The following PBRM1 variants were observed in gnomAD, a reference collection of about 807,000 sequenced individuals.
The protein encoded by PBRM1 is protein polybromo-1.
PBRM1 carries 27 observed loss-of-function variants against 194.5 expected under a neutral mutation model. The observed-to-expected ratio is 0.14, with a 90% CI of 0.10 to 0.19. PBRM1 has a LOEUF of 0.19. PBRM1 is among the 10% of genes least tolerant of loss of function. PBRM1 has a pLI of 1.00. For synonymous variants in PBRM1, 655 were observed against 693.2 expected (o/e 0.94, Z 0.87); for missense variants, 1,466 against 2,077.2 (o/e 0.71, Z 5.72).
intron 25 of PBRM1, among the ~76,000 whole-genome samples, chr3:52,560,245 C>T (rs1353040105): frequency 2.0e-5 from 3 of 152,154 alleles, no homozygotes; most frequent in Non-Finnish European, 4.4e-5. Flanking sequence ...AATAACCAGC[C>T]ATCCAGCACT....
At chr3:52,608,264 A>G (rs1017640595) in intron 16 of PBRM1, among the ~76,000 whole-genome samples, 6 of 152,160 alleles carry the variant, frequency 3.9e-5, no homozygotes, top group Non-Finnish European at 8.8e-5. Flanking sequence ...AGAGCAAGAC[A>G]AGTCACATCA....
At chr3:52,649,596 T>C (rs544209605) in intron 6 of PBRM1, among the ~76,000 whole-genome samples, 7 of 152,324 alleles carry the variant, frequency 4.6e-5, no homozygotes, top group Admixed American at 1.3e-4. Context: ...CTATGAGCTA[T>C]CCAATATGCT....
At chr3:52,657,460 A>G (rs1335195691) in intron 5 of PBRM1, among the ~76,000 whole-genome samples, 1 of 152,108 alleles carries the variant, frequency 6.6e-6, no homozygotes, top group Non-Finnish European at 1.5e-5. Context: ...GGGGCCTCCA[A>G]CATCTTCCTT....
chr3:52,651,783 T>C, exon 6 of PBRM1: 1 of 1,605,398 alleles, frequency 6.2e-7, no homozygotes, highest in Non-Finnish European at 8.5e-7. Context: ...ATAGGCTCCT[T>C]AATTATTGCA....
intron 20 of PBRM1, among the ~76,000 whole-genome samples, chr3:52,581,641 ATTC>A (rs1469007981): frequency 1.3e-5 from 2 of 150,932 alleles, no homozygotes; most frequent in Non-Finnish European, 3.0e-5. Flanking sequence ...TTCTAAAGTA[ATTC>A]TTTTTTTTTT....
rs2097168605 is a variant in PBRM1, at chr3:52,679,522, T to C, written c.138+52A>G. The C allele has an allele frequency of 1.1e-5, 17 of 1,523,980 alleles. No homozygotes were observed. The South Asian group carries it at 1.8e-4, about 16-fold the overall frequency. The allele number at this position is 1,523,980 out of a possible 1,614,324, so 94.4% of individuals were successfully genotyped here. A position where few individuals can be genotyped will look rare whatever the true frequency, so the allele number is the denominator to read the frequency against. ...AACAATTTTACCATTAAAGGGAAGA[T>C]AGGGGAATTGTGGGAAGAGCAGGCA... On this transcript the variant is annotated intron_variant, in intron 1 of 29. Coordinates refer to ENST00000296302, the Ensembl canonical transcript of PBRM1.
chr3:52,595,120 C>CA (rs1484652039), intron 17 of PBRM1, among the ~76,000 whole-genome samples: 3 of 152,094 alleles, frequency 2.0e-5, no homozygotes, highest in Admixed American at 6.6e-5. Context: ...TCTGAATTGT[C>CA]AGAGTTCTTG....
At chr3:52,575,996 G>T (rs934789177) in intron 22 of PBRM1, among the ~76,000 whole-genome samples, 1 of 152,114 alleles carries the variant, frequency 6.6e-6, no homozygotes, top group Non-Finnish European at 1.5e-5. Flanking sequence ...GGCAGAGGAT[G>T]AATGCACCTG....
chr3:52,597,493 G>T (rs1213265314), intron 17 of PBRM1, among the ~76,000 whole-genome samples: 1 of 152,166 alleles, frequency 6.6e-6, no homozygotes, highest in Non-Finnish European at 1.5e-5. Context: ...ATACACAGCA[G>T]ATCTATAAGG....
chr3:52,615,893 C>T (rs190891863), intron 14 of PBRM1, among the ~76,000 whole-genome samples: 18 of 152,322 alleles, frequency 1.2e-4, no homozygotes, highest in Admixed American at 1.2e-3. Flanking sequence ...TCTGAGTTCA[C>T]AGTCTGAAGC....
upstream of PBRM1, among the ~76,000 whole-genome samples, chr3:52,682,992 G>A (rs939946618): frequency 6.6e-6 from 1 of 152,094 alleles, no homozygotes; most frequent in African/African-American, 2.4e-5. Flanking sequence ...CTGAGGTCAG[G>A]AGATCAAGAC....
intron 20 of PBRM1, among the ~76,000 whole-genome samples, chr3:52,583,085 A>G (rs1488255165): frequency 9.1e-6 from 1 of 109,924 alleles, no homozygotes; most frequent in Admixed American, 1.2e-4. Flanking sequence ...GGACAGAGTG[A>G]GACTCCATCT....
intron 17 of PBRM1, among the ~76,000 whole-genome samples, chr3:52,590,179 C>T (rs1016623479): frequency 8.6e-5 from 13 of 151,828 alleles, no homozygotes; most frequent in African/African-American, 2.9e-4. Flanking sequence ...AGGCCGGTAG[C>T]GGCAGCTCAC....
At chr3:52,633,810 T>C (rs2153635989) in intron 11 of PBRM1, among the ~76,000 whole-genome samples, 1 of 152,342 alleles carries the variant, frequency 6.6e-6, no homozygotes, top group East Asian at 1.9e-4. Context: ...ATATTTTCCT[T>C]GGAGAAAGGT....
chr3:52,574,017 C>T (rs2088465556), intron 22 of PBRM1, among the ~76,000 whole-genome samples: 1 of 152,216 alleles, frequency 6.6e-6, no homozygotes, highest in African/African-American at 2.4e-5. Flanking sequence ...CTTTATTGTG[C>T]TTAGCTTGGA....
At chr3:52,585,321 C>T (rs2092197053) in intron 20 of PBRM1, among the ~76,000 whole-genome samples, 1 of 152,102 alleles carries the variant, frequency 6.6e-6, no homozygotes, top group South Asian at 2.1e-4. Flanking sequence ...AAGAAAAAGT[C>T]ACCTATGGAA....
intron 27 of PBRM1, among the ~76,000 whole-genome samples, chr3:52,551,365 C>T (rs2080950178): frequency 6.6e-6 from 1 of 152,160 alleles, no homozygotes; most frequent in South Asian, 2.1e-4. Flanking sequence ...CTAGTGCTGG[C>T]AGGGAGAGAA....
chr3:52,638,148 G>A (rs774017682), intron 10 of PBRM1, among the ~76,000 whole-genome samples: 7 of 152,004 alleles, frequency 4.6e-5, no homozygotes, highest in Admixed American at 1.3e-4. Context: ...ATCCAACTGT[G>A]TCCTTATATA....
At chr3:52,662,193 T>C in exon 4 of PBRM1, 1 of 1,614,124 alleles carries the variant, frequency 6.2e-7, no homozygotes, top group East Asian at 2.2e-5. Context: ...CGTCATCTGC[T>C]TCTCCTTTCT....
Sources: gnomAD v4.1 joint callset for allele counts (sites outside exome capture counted in the v4.1 genomes callset) on GRCh38, gnomAD v4.1.1 for gene constraint, MANE v1.5 for transcripts, NCBI Gene and HGNC (gene_info 2026-07-23, HGNC 2026-07-21) for gene names.